The following MDC1 variants were observed in gnomAD, a reference collection of about 807,000 sequenced individuals.
MDC1 encodes the protein mediator of DNA damage checkpoint protein 1.
In MDC1, 81 loss-of-function variants were observed where a neutral mutation model predicts 142.5. The ratio of observed to expected loss-of-function variants is 0.57; its 90% CI spans 0.47 to 0.68. The LOEUF (loss-of-function observed/expected upper bound fraction) is 0.68. Among genes scored for constraint, MDC1 ranks in the 30% least tolerant of loss-of-function variants. MDC1 has a pLI of 0.00. For missense variants in MDC1, 2,119 were observed against 2,547.9 expected, an observed-to-expected ratio of 0.83 and a Z score of 3.62; for synonymous variants, 797 against 968.4, an observed-to-expected ratio of 0.82 and a Z score of 3.29.
Position 30,700,397 on chromosome 6 carries a change from C to T in MDC1, c.*68G>A, listed in dbSNP as rs1047141994. On this transcript the variant is annotated 3_prime_UTR_variant, in exon 15 of 15. Coordinates refer to ENST00000376406, the MANE Select transcript of MDC1 (RefSeq NM_014641.3). ...ATCAATATACCCCAATCCTTTCTAA[C>T]GCCCTGAGTTCTTTCTTCCACATAT... The T allele has an allele frequency of 1.8e-5, 27 of 1,522,118 alleles. No homozygotes were observed. Among genetic ancestry groups the T allele is most frequent in the East Asian group, 2.3e-5 (1 of 44,000 alleles). 94.3% of individuals were successfully genotyped at this position (1,522,118 alleles called of 1,614,324 possible).
Position 30,713,591 on chromosome 6 carries a change from C to T in MDC1, c.587+57G>A, listed in dbSNP as rs564730153. 2.5e-5 allele frequency: 38 copies of T among 1,534,812 alleles called. No individual in the cohort carries two copies. In the South Asian group the frequency reaches 3.8e-4, roughly 15 times the overall value. On this transcript the variant is annotated intron_variant, in intron 4 of 14. Coordinates refer to ENST00000376406, the MANE Select transcript of MDC1 (RefSeq NM_014641.3). The surrounding 1 kb of genome is among the most constrained non-coding windows in gnomAD (Gnocchi z 4.9). ...TCATCTCTTTTAGAGATTGATCCTC[C>T]AGCCCCTGGTTCTTCCTCATTTTGA...
chr6:30,705,535 G>A lies in MDC1; in HGVS notation c.3648C>T (p.Asp1216=). ...AGGTGGGTTCAGAGGTGACAGGTCG[G>A]TCGGTGGAGGTGGAAGGCTGGAGCT... ...ALELQPSTST[D]RPVTSEPTSQ... is the part of the protein sequence containing the mutation. The change falls in exon 10 of 15, where the codon GAC becomes GAT. Residue 1216 remains aspartate (D), a synonymous_variant. Transcript: ENST00000376406. The A allele has an allele frequency of 6.2e-7, 1 of 1,607,490 alleles. No homozygotes were observed.
In MDC1 at chr6:30,704,126, G is replaced by C; in HGVS notation, c.5057C>G (p.Ser1686Cys). The change falls in exon 10 of 15, where the codon TCT becomes TGT. Residue 1686 changes from serine (S) to cysteine (C), a missense_variant. Transcript: ENST00000376406. The part of the protein sequence containing the change: ...AQGGQSKTLR[S>C]STVRAMPVPT... ...AACCGGCATAGCTCTTACTGTGGAA[G>C]ACCTCAGTGTTTTGCTCTGACCACC... 6.2e-7 allele frequency: 1 copy of C among 1,614,052 alleles called. No individual in the cohort carries two copies. The highest frequency in any genetic ancestry group is 8.5e-7 in the Non-Finnish European group (1 of 1,179,950).
intron 12 of MDC1, 40 bp from the exon 13 acceptor site, chr6:30,702,917 C>T (rs1160761215): frequency 2.2e-5 from 35 of 1,612,090 alleles, no homozygotes; most frequent in Non-Finnish European, 3.0e-5. Flanking sequence ...TCAGCCCAGC[C>T]CCTCAATCAG....
chr6:30,712,952 G>A lies in MDC1; in HGVS notation c.990C>T (p.Asp330=). The A allele has an allele frequency of 6.2e-7, 1 of 1,613,078 alleles. No individual in the cohort carries two copies. Among genetic ancestry groups the A allele is most frequent in the African/African-American group, 1.3e-5 (1 of 75,048 alleles). Residue 330 remains aspartate, a synonymous_variant, in exon 5 of 15, where the codon GAC becomes GAT. Transcript: ENST00000376406. The surrounding 1 kb of genome is among the most constrained non-coding windows in gnomAD (Gnocchi z 4.7). ...GGATCCTCTCTTCTTCCGCATCAGTGTCGCTGTCGATGAAGCCAAAAGGCT... is the reference window on the plus strand; with the variant it reads ...GGATCCTCTCTTCTTCCGCATCAGTATCGCTGTCGATGAAGCCAAAAGGCT... ...RAQPFGFIDS[D]TDAEEERIPA...
Position 30,711,450 on chromosome 6 carries a change from T to C in MDC1, c.2183A>G (p.Gln728Arg). The C allele has an allele frequency of 6.2e-7, 1 of 1,613,122 alleles. No individual in the cohort carries two copies. Among genetic ancestry groups the C allele is most frequent in the Non-Finnish European group, 8.5e-7 (1 of 1,180,028 alleles). The change falls in exon 7 of 15, where the codon CAA (glutamine) becomes CGA (arginine). Residue 728 changes from glutamine (Q) to arginine (R), a missense_variant. Coordinates refer to ENST00000376406, the MANE Select transcript of MDC1 (RefSeq NM_014641.3). ...PTQAFMLTPP[Q>R]ELGPSHCSFQ... ...GCTGCAATGGGAAGGGCCAAGCTCTTGGGGTGGAGTCAACATGAAGGCCTG... is the reference window on the plus strand; with the variant it reads ...GCTGCAATGGGAAGGGCCAAGCTCTCGGGGTGGAGTCAACATGAAGGCCTG...
rs1773338585 is a variant in MDC1 at position 30,704,410 on chromosome 6, C to T, written c.4773G>A (p.Glu1591=). ...STSRNQLVTP[E]PTSRATRCRT... is the part of the protein sequence containing the mutation. The stretch of plus-strand genomic sequence containing the variant: ...TGCACCTAGTGGCCCGAGATGTGGG[C>T]TCAGGGGTGACAAGCTGGTTTCTGG... The change falls in exon 10 of 15, where the codon GAG becomes GAA. Residue 1591 remains glutamate (E), a synonymous_variant. Transcript: ENST00000376406. The T allele has an allele frequency of 6.2e-7, 1 of 1,612,302 alleles. No homozygotes were observed. Among genetic ancestry groups the T allele is most frequent in the African/African-American group, 1.3e-5 (1 of 74,486 alleles).
In MDC1 at chr6:30,715,220, C is replaced by T. The variant is rs748906239; in HGVS notation, c.-3-42G>A. 10 of 1,610,168 alleles carry T rather than the reference C, an allele frequency of 6.2e-6. 1 individual carries two copies. The highest frequency in any genetic ancestry group is 5.5e-5 in the South Asian group (5 of 90,962). On this transcript the variant is annotated intron_variant, in intron 1 of 14. Coordinates refer to ENST00000376406, the MANE Select transcript of MDC1 (RefSeq NM_014641.3). The surrounding 1 kb of genome is among the most constrained non-coding windows in gnomAD (Gnocchi z 4.1). ...TTATCAATTATCCTCATTATTGGTTCACACAAACAGCATCAGAGTTATCAG... is the reference window on the plus strand; with the variant it reads ...TTATCAATTATCCTCATTATTGGTTTACACAAACAGCATCAGAGTTATCAG...
chr6:30,715,224 CA>C lies in MDC1; in HGVS notation c.-3-47del, dbSNP rs764467883. The C allele has an allele frequency of 6.2e-7, 1 of 1,608,252 alleles. No individual in the cohort carries two copies. Among genetic ancestry groups the C allele is most frequent in the South Asian group, 1.1e-5 (1 of 90,936 alleles). ...CAATTATCCTCATTATTGGTTCACA[CA>C]AACAGCATCAGAGTTATCAGACTGA... On this transcript the variant is annotated intron_variant, in intron 1 of 14. Coordinates refer to ENST00000376406, the MANE Select transcript of MDC1 (RefSeq NM_014641.3). The surrounding 1 kb of genome is among the most constrained non-coding windows in gnomAD (Gnocchi z 4.1).
At position 30,712,332 on chromosome 6, in the gene MDC1, T is replaced by A. The variant is rs766927696; in HGVS notation, c.1610A>T (p.His537Leu). The A allele has an allele frequency of 2.5e-5, 41 of 1,612,980 alleles. No homozygotes were observed. The change falls in exon 5 of 15, where the codon CAT (histidine) becomes CTT (leucine). Residue 537 changes from histidine (H) to leucine (L), a missense_variant. His to Leu is a moderately conservative substitution (Grantham distance 99, BLOSUM62 -3). Transcript: ENST00000376406. The surrounding 1 kb of genome is among the most constrained non-coding windows in gnomAD (Gnocchi z 4.7). Reference sequence around the variant, plus strand: ...CACAGACACCTGATGCTTCTTTATATGTATAATGGCTGACCCTGGCGGGAC... The same window carrying A: ...CACAGACACCTGATGCTTCTTTATAAGTATAATGGCTGACCCTGGCGGGAC... ...KEVPPGSAII[H>L]IKKHQVSVEG...
At position 30,703,917 on chromosome 6, in the gene MDC1, G is replaced by A. The variant is rs1256767255; in HGVS notation, c.5266C>T (p.Gln1756Ter). 1 of 1,614,138 alleles carries A rather than the reference G, an allele frequency of 6.2e-7. No individual in the cohort carries two copies. Among genetic ancestry groups the A allele is most frequent in the African/African-American group, 1.3e-5 (1 of 75,032 alleles). The change falls in exon 10 of 15, where the codon CAA becomes TAA. Residue 1756 changes from glutamine (Q) to a stop codon, truncating the protein, a stop_gained. Coordinates refer to ENST00000376406, the MANE Select transcript of MDC1 (RefSeq NM_014641.3). LOFTEE classifies it high-confidence loss of function. This position sits in a 1 kb window ranked among gnomAD's most constrained non-coding sequence, Gnocchi z 4.4. ...GCTGCTCTCACTGCTCCCCATCTTT[G>A]GTTCCTTGAGGCCTGGGATTTAGGT... Reference protein sequence around the residue: ...LEPKSQASRNQRWGAVRAAES... With the variant: ...LEPKSQASRN
In MDC1 at chr6:30,709,808, T is replaced by G. The variant is rs1774544843; in HGVS notation, c.2222-1451A>C. On this transcript the variant is annotated intron_variant, in intron 7 of 14. Coordinates refer to ENST00000376406, the MANE Select transcript of MDC1 (RefSeq NM_014641.3). This position sits in a 1 kb window ranked among gnomAD's most constrained non-coding sequence, Gnocchi z 4.2. ...TTCACTTAACATAATGTCCTCAGGG[T>G]TCATCCATGTTGCTGCAGATGACAG... Among the ~76,000 whole-genome samples the G allele has an allele frequency of 6.6e-6, 1 of 152,216 alleles. No homozygotes were observed.
Position 30,703,071 on chromosome 6 carries a change from A to C in MDC1, c.5865+33T>G, listed in dbSNP as rs756187041. On this transcript the variant is annotated intron_variant, in intron 12 of 14. Coordinates refer to ENST00000376406, the MANE Select transcript of MDC1 (RefSeq NM_014641.3). This position sits in a 1 kb window ranked among gnomAD's most constrained non-coding sequence, Gnocchi z 4.4. ...GCACTATATGAGCAGTCTTGCCACTATATCGGTCTGTCATCATCCCTTGGC... is the reference window on the plus strand; with the variant it reads ...GCACTATATGAGCAGTCTTGCCACTCTATCGGTCTGTCATCATCCCTTGGC... The C allele has an allele frequency of 6.2e-7, 1 of 1,601,326 alleles. No individual in the cohort carries two copies. The highest frequency in any genetic ancestry group is 1.7e-5 in the Admixed American group (1 of 59,458).
rs775901679 is a variant in MDC1 at position 30,707,583 on chromosome 6, G to A, written c.2996C>T (p.Pro999Leu). 2 of 1,612,258 alleles carry A rather than the reference G, an allele frequency of 1.2e-6. No individual in the cohort carries two copies. The highest frequency in any genetic ancestry group is 2.2e-5 in the East Asian group (1 of 44,852). ...QSGGRGSPVSPRRHQKGLLNC... is the reference protein window; with the variant it reads ...QSGGRGSPVSLRRHQKGLLNC... ...TCACTTACCTTTCTGATGCCTCCTG[G>A]GGCTCACTGGGGATCCCCTTCCACC... Residue 999 changes from proline (P) to leucine (L), a missense_variant, in exon 8 of 15, where the codon CCC becomes CTC. Coordinates refer to ENST00000376406, the MANE Select transcript of MDC1 (RefSeq NM_014641.3).
At chr6:30,707,522 C>A (rs778755661) in intron 8 of MDC1, 44 bp downstream of exon 8, 1 of 1,612,990 alleles carries the variant, frequency 6.2e-7, no homozygotes. Context: ...TTGATTATCA[C>A]GAGGCCTGTG....
At chr6:30,701,289 T>C (rs1278910450) in intron 14 of MDC1, among the ~76,000 whole-genome samples, 1 of 151,740 alleles carries the variant, frequency 6.6e-6, no homozygotes, top group African/African-American at 2.4e-5. Flanking sequence ...TAGTCCCAGC[T>C]ACTCGGGAGG....
Position 30,712,075 on chromosome 6 carries a change from C to G in MDC1, c.1867G>C (p.Val623Leu), listed in dbSNP as rs769985819. Residue 623 changes from valine to leucine, a missense_variant, in exon 5 of 15, where the codon GTG becomes CTG. Physicochemically the swap from Val to Leu is conservative, Grantham distance 32. Coordinates refer to ENST00000376406, the MANE Select transcript of MDC1 (RefSeq NM_014641.3). The surrounding 1 kb of genome is among the most constrained non-coding windows in gnomAD (Gnocchi z 4.7). ...AVLKQERAHE[V>L]GAQGGPPVAQ... is the part of the protein sequence containing the mutation. ...ACAGGTGGCCCACCCTGGGCCCCCA[C>G]CTCATGAGCTCTCTCCTGCTTAAGA... is the stretch of plus-strand genomic sequence containing the variant. 4 of 1,591,580 alleles carry G rather than the reference C, an allele frequency of 2.5e-6. No individual in the cohort carries two copies. Among genetic ancestry groups the G allele is most frequent in the Non-Finnish European group, 3.4e-6 (4 of 1,168,912 alleles).
rs1775228449 is a variant in MDC1 at position 30,713,546 on chromosome 6, A to G, written c.587+102T>C. 7.5e-7 allele frequency: 1 copy of G among 1,339,184 alleles called. No individual in the cohort carries two copies. Among genetic ancestry groups the G allele is most frequent in the Middle Eastern group, 2.2e-4 (1 of 4,544 alleles). The allele number at this position is 1,339,184 out of a possible 1,614,324, so 83.0% of individuals were successfully genotyped here. On this transcript the variant is annotated intron_variant, in intron 4 of 14. Transcript: ENST00000376406. The surrounding 1 kb of genome is among the most constrained non-coding windows in gnomAD (Gnocchi z 4.9). ...AGTGAATGAATATGTATGGTTCCCC[A>G]GCCCCAACTCTCATGATAATCATCT...
chr6:30,715,052 C>T lies in MDC1; in HGVS notation c.124G>A (p.Gly42Arg). The T allele has an allele frequency of 6.2e-7, 1 of 1,614,124 alleles. No homozygotes were observed. The highest frequency in any genetic ancestry group is 8.5e-7 in the Non-Finnish European group (1 of 1,180,016). ...AATACCCTCTGACCTTTTTCTGGTCCATGGGCACCACTAAAGATATGTAGC... is the reference window on the plus strand; with the variant it reads ...AATACCCTCTGACCTTTTTCTGGTCTATGGGCACCACTAAAGATATGTAGC... ...GRLHIFSGAH[G>R]PEKDFPLHLG... Residue 42 changes from glycine (G) to arginine (R), a missense_variant, in exon 2 of 15, where the codon GGA (glycine) becomes AGA (arginine). By Grantham distance (125) the Gly-to-Arg change is moderately radical. Coordinates refer to ENST00000376406, the MANE Select transcript of MDC1 (RefSeq NM_014641.3). This position sits in a 1 kb window ranked among gnomAD's most constrained non-coding sequence, Gnocchi z 4.1.
Sources: allele counts gnomAD v4.1 joint callset (sites outside exome capture counted in the v4.1 genomes callset), GRCh38; gene constraint gnomAD v4.1.1; non-coding constraint Gnocchi (gnomAD v3.1); transcripts MANE v1.5; gene names NCBI Gene and HGNC (gene_info 2026-07-23, HGNC 2026-07-21).